CAST: variants seen among roughly 807,000 people sequenced by gnomAD.
The protein encoded by CAST is calpastatin.
CAST carries 76 observed loss-of-function variants against 119.6 expected under a neutral mutation model. That is an observed-to-expected ratio of 0.64 (90% CI 0.53 to 0.77). CAST has a LOEUF of 0.77. CAST is among the 30% of genes least tolerant of loss of function. The probability of loss-of-function intolerance (pLI) is 0.00; values close to 1 mark genes in which losing one functional copy is unlikely to be tolerated. For synonymous variants in CAST, 319 were observed against 331.6 expected, an observed-to-expected ratio of 0.96 and a Z score of 0.41; for missense variants, 953 against 946.5, an observed-to-expected ratio of 1.01 and a Z score of -0.09.
the CAST span, among the ~76,000 whole-genome samples, chr5:96,301,948 A>G: frequency 3.5e-3 from 532 of 152,182 alleles, 3 homozygotes; most frequent in African/African-American, 0.012. Context: ...TGGGGACTCT[A>G]TGTGGGCGCT....
At chr5:96,378,163 G>A in the CAST span, among the ~76,000 whole-genome samples, 1 of 152,092 alleles carries the variant, frequency 6.6e-6, no homozygotes, top group African/African-American at 2.4e-5. Context: ...TAGGAAGGGG[G>A]AAAGTGGGAA....
the CAST span, among the ~76,000 whole-genome samples, chr5:96,185,024 G>T: frequency 6.6e-6 from 1 of 151,944 alleles, no homozygotes; most frequent in East Asian, 1.9e-4. Context: ...TCTGTTTTTT[G>T]ACTTTTTAAT....
the CAST span, among the ~76,000 whole-genome samples, chr5:96,309,605 G>A: frequency 6.6e-6 from 1 of 152,214 alleles, no homozygotes; most frequent in Admixed American, 6.5e-5. Flanking sequence ...GGAATCTCCT[G>A]GTCTGCTGGT....
intron 16 of CAST, chr5:96,743,578 C>A (rs1357605013): frequency 6.3e-7 from 1 of 1,591,694 alleles, no homozygotes; most frequent in South Asian, 1.1e-5. Context: ...AGGGGAGTCT[C>A]CCTGACTTCC....
intron 25 of CAST, chr5:96,762,589 CAT>C: frequency 2.2e-6 from 1 of 454,224 alleles, no homozygotes; most frequent in Non-Finnish European, 3.9e-6. Context: ...ACATTGTACA[CAT>C]AGTCAAGGAC....
chr5:96,194,010 C>T, the CAST span, among the ~76,000 whole-genome samples: 1 of 152,176 alleles, frequency 6.6e-6, no homozygotes, highest in African/African-American at 2.4e-5. Flanking sequence ...ATAGCTAAGC[C>T]TAAAGCAGAG....
the CAST span, among the ~76,000 whole-genome samples, chr5:96,419,710 A>G: frequency 6.6e-6 from 1 of 151,840 alleles, no homozygotes; most frequent in African/African-American, 2.4e-5. Flanking sequence ...CACAAAACAA[A>G]TAGCATTATA....
chr5:96,375,296 T>C, the CAST span, among the ~76,000 whole-genome samples: 1 of 152,310 alleles, frequency 6.6e-6, no homozygotes, highest in African/African-American at 2.4e-5. Context: ...ACTTCCCCTA[T>C]AGCTGTACAA....
the CAST span, among the ~76,000 whole-genome samples, chr5:96,070,913 A>G: frequency 2.0e-5 from 3 of 152,190 alleles, no homozygotes; most frequent in African/African-American, 7.2e-5. Context: ...TTGGGGAGGT[A>G]TAAGGAGAAT....
chr5:96,400,314 C>G, the CAST span: 1 of 721,316 alleles, frequency 1.4e-6, no homozygotes, highest in East Asian at 2.6e-5. Context: ...TTATGTTATT[C>G]TAGTGTCTAT....
chr5:96,264,094 A>T, the CAST span, among the ~76,000 whole-genome samples: 6 of 152,222 alleles, frequency 3.9e-5, no homozygotes, highest in African/African-American at 1.4e-4. Context: ...TTTCATACAT[A>T]TCACTAAATA....
At chr5:96,372,732 AG>A in the CAST span, among the ~76,000 whole-genome samples, 5 of 152,090 alleles carry the variant, frequency 3.3e-5, no homozygotes, top group Non-Finnish European at 5.9e-5. Flanking sequence ...GCCTTTCCTA[AG>A]GCTGCACCTT....
At chr5:96,221,950 A>G in the CAST span, among the ~76,000 whole-genome samples, 3 of 152,110 alleles carry the variant, frequency 2.0e-5, no homozygotes, top group Admixed American at 1.3e-4. Flanking sequence ...CCAGAAATAA[A>G]TCCACGTATT....
At chr5:96,211,601 C>T in the CAST span, among the ~76,000 whole-genome samples, 3,752 of 151,870 alleles carry the variant, frequency 0.025, 69 homozygotes, top group Non-Finnish European at 0.035. Context: ...TAATGATTTT[C>T]TTTTTTTGTA....
At chr5:96,249,925 G>C in the CAST span, among the ~76,000 whole-genome samples, 1 of 152,134 alleles carries the variant, frequency 6.6e-6, no homozygotes, top group African/African-American at 2.4e-5. Flanking sequence ...ACCTACCCAT[G>C]AGAAGCCGGA....
the CAST span, chr5:96,050,302 ATT>A: frequency 3.9e-5 from 6 of 151,932 alleles, no homozygotes; most frequent in African/African-American, 1.5e-4. Flanking sequence ...TTGTTTGTTG[ATT>A]TTAAGAAGTG....
At chr5:96,472,332 G>A in the CAST span, among the ~76,000 whole-genome samples, 41 of 152,266 alleles carry the variant, frequency 2.7e-4, no homozygotes, top group African/African-American at 9.6e-4. Context: ...GTTTATGGAA[G>A]ACATCTATAA....
the CAST span, among the ~76,000 whole-genome samples, chr5:96,381,292 TA>T: frequency 3.9e-5 from 6 of 152,172 alleles, no homozygotes; most frequent in Admixed American, 6.5e-5. Context: ...ATTTTATAAT[TA>T]ATAAGTAGAT....
chr5:96,478,809 G>T, the CAST span, among the ~76,000 whole-genome samples: 1 of 152,160 alleles, frequency 6.6e-6, no homozygotes, highest in Non-Finnish European at 1.5e-5. Flanking sequence ...CATAAAATGG[G>T]CACTGACATT....
Sources: allele counts gnomAD v4.1 joint callset (sites outside exome capture counted in the v4.1 genomes callset), GRCh38; gene constraint gnomAD v4.1.1; transcripts MANE v1.5; gene names NCBI Gene and HGNC (gene_info 2026-07-23, HGNC 2026-07-21).